The following PPP2R1B variants were observed in gnomAD, a reference collection of about 807,000 sequenced individuals.
PPP2R1B encodes the protein serine/threonine-protein phosphatase 2A 65 kDa regulatory subunit A beta isoform.
PPP2R1B carries 58 observed loss-of-function variants against 72.7 expected under a neutral mutation model. That is an observed-to-expected ratio of 0.80 (90% CI 0.65 to 0.99). The LOEUF is 0.99. PPP2R1B is among the 50% of genes least tolerant of loss of function. PPP2R1B has a pLI of 0.00. For missense variants in PPP2R1B, 695 were observed against 733.6 expected (o/e 0.95, Z 0.61); for synonymous variants, 256 against 264.6 (o/e 0.97, Z 0.32).
chr11:111,748,053 A>C, intron 10 of PPP2R1B, 39 bp from the exon 11 acceptor site: 2 of 1,573,902 alleles, frequency 1.3e-6, no homozygotes, highest in Non-Finnish European at 1.7e-6. Context: ...ACATTGCCAA[A>C]ATTCAGAAAT....
At chr11:111,722,637 C>A (rs138243363), downstream of PPP2R1B, 938 of 1,604,366 alleles carry the variant, frequency 5.8e-4, 2 homozygotes, top group Non-Finnish European at 7.0e-4. The surrounding 1 kb of genome is among the most constrained non-coding windows in gnomAD (Gnocchi z 4.4). Context: ...CACATTGTCA[C>A]GCTCATGTTG....
At chr11:111,700,106 G>A in the PPP2R1B span, among the ~76,000 whole-genome samples, 1 of 152,200 alleles carries the variant, frequency 6.6e-6, no homozygotes, top group Non-Finnish European at 1.5e-5. Context: ...ACTTGCATTT[G>A]TAACAATACT....
intron 1 of PPP2R1B, 67 bp downstream of exon 1, chr11:111,766,181 G>T: frequency 1.3e-6 from 2 of 1,521,290 alleles, no homozygotes; most frequent in Non-Finnish European, 1.8e-6. Context: ...CCGCGACGCA[G>T]GCCTTCCCCC....
At chr11:111,743,602 G>A (rs1944602549) in intron 11 of PPP2R1B, 72 bp from the exon 12 acceptor site, 2 of 1,526,108 alleles carry the variant, frequency 1.3e-6, no homozygotes, top group South Asian at 2.5e-5. Flanking sequence ...TTACTTACAT[G>A]AAAATCAAAT....
the PPP2R1B span, among the ~76,000 whole-genome samples, chr11:111,702,572 T>A: frequency 6.6e-6 from 1 of 152,160 alleles, no homozygotes; most frequent in Non-Finnish European, 1.5e-5. Context: ...CTGTCTCCAA[T>A]AATAATATAA....
chr11:111,717,141 C>G, the PPP2R1B span, among the ~76,000 whole-genome samples: 2 of 151,666 alleles, frequency 1.3e-5, no homozygotes, highest in Non-Finnish European at 2.9e-5. Flanking sequence ...GGTGAAACCC[C>G]ATCTCTACTA....
At chr11:111,722,551 G>A (rs1244791821), downstream of PPP2R1B, 8 of 1,004,428 alleles carry the variant, frequency 8.0e-6, no homozygotes, top group African/African-American at 4.8e-5. This position sits in a 1 kb window ranked among gnomAD's most constrained non-coding sequence, Gnocchi z 4.4. Context: ...CCTTCACCCC[G>A]TGTGGATTCT....
intron 15 of PPP2R1B, among the ~76,000 whole-genome samples, chr11:111,732,322 T>TG (rs1286593153): frequency 4.0e-4 from 61 of 152,302 alleles, no homozygotes; most frequent in African/African-American, 1.4e-3. Context: ...GGACAGGAGT[T>TG]GGTTCCTGGG....
Position 111,739,883 on chromosome 11 carries a change from T to C in PPP2R1B, c.*1713A>G, listed in dbSNP as rs1387937594. 2.0e-6 allele frequency: 2 copies of C among 980,676 alleles called. No individual in the cohort carries two copies. The highest frequency in any genetic ancestry group is 2.3e-4 in the East Asian group (2 of 8,804). 60.7% of individuals were successfully genotyped at this position (980,676 alleles called of 1,614,324 possible). On this transcript the variant is annotated 3_prime_UTR_variant, in exon 15 of 15. Coordinates refer to ENST00000527614, the MANE Select transcript of PPP2R1B (RefSeq NM_002716.5). ...TAATTCTTGGCCCAAAGTCATAAAATAGAAACTTACTATAAGGTAATTTGG... is the reference window on the plus strand; with the variant it reads ...TAATTCTTGGCCCAAAGTCATAAAACAGAAACTTACTATAAGGTAATTTGG...
downstream of PPP2R1B, chr11:111,724,380 G>T: frequency 1.9e-6 from 1 of 531,504 alleles, no homozygotes; most frequent in Non-Finnish European, 3.3e-6. Context: ...TCGGTCGAGT[G>T]GAGCAAGCTC....
At chr11:111,701,478 T>C in the PPP2R1B span, 1 of 1,613,944 alleles carries the variant, frequency 6.2e-7, no homozygotes, top group Admixed American at 1.7e-5. This position sits in a 1 kb window ranked among gnomAD's most constrained non-coding sequence, Gnocchi z 4.2. Context: ...TTTATGTCCT[T>C]GTCTGTGGAG....
chr11:111,714,462 T>C, the PPP2R1B span, among the ~76,000 whole-genome samples: 1 of 152,154 alleles, frequency 6.6e-6, no homozygotes, highest in African/African-American at 2.4e-5. Flanking sequence ...AGCCTGCATA[T>C]CACTGTGTGT....
At chr11:111,720,440 A>G in the PPP2R1B span, 1 of 1,550,752 alleles carries the variant, frequency 6.4e-7, no homozygotes, top group Non-Finnish European at 8.7e-7. Context: ...AGGAGATGCT[A>G]TTGCTGTTGG....
chr11:111,765,653 A>G, intron 1 of PPP2R1B: 1 of 516,968 alleles, frequency 1.9e-6, no homozygotes, highest in Non-Finnish European at 3.6e-6. Context: ...CTAGGAAGTA[A>G]GATAATTTTA....
At chr11:111,725,402 T>C (rs1057498870), downstream of PPP2R1B, 1 of 152,596 alleles carries the variant, frequency 6.6e-6, no homozygotes, top group Admixed American at 6.5e-5. Flanking sequence ...CTGCCAAACA[T>C]TATATTACTA....
At chr11:111,764,521 G>A (rs1294341482) in intron 3 of PPP2R1B, among the ~76,000 whole-genome samples, 4 of 152,014 alleles carry the variant, frequency 2.6e-5, no homozygotes, top group East Asian at 3.8e-4. Flanking sequence ...CCACCATCGC[G>A]CGGGGGAACC....
At chr11:111,759,342 T>C (rs1368328829) in intron 5 of PPP2R1B, among the ~76,000 whole-genome samples, 1 of 152,224 alleles carries the variant, frequency 6.6e-6, no homozygotes, top group African/African-American at 2.4e-5. Flanking sequence ...ACCAAAGAGA[T>C]CTAGATCTTC....
At position 111,742,316 on chromosome 11, in the gene PPP2R1B, T is replaced by A; in HGVS notation, c.1698-172A>T. ...AAAGAAATTCTCAGCAAAATCAGCT[T>A]CAGACAAGGATCTACACATTTACAG... is the stretch of plus-strand genomic sequence containing the variant. On this transcript the variant is annotated intron_variant, in intron 13 of 14. Coordinates refer to ENST00000527614, the MANE Select transcript of PPP2R1B (RefSeq NM_002716.5). 12 of 614,552 alleles carry A rather than the reference T, an allele frequency of 2.0e-5. No individual in the cohort carries two copies. The South Asian group carries it at 2.2e-4, about 11-fold the overall frequency. 38.1% of individuals were successfully genotyped at this position (614,552 alleles called of 1,614,324 possible). A position where few individuals can be genotyped will look rare whatever the true frequency, so the allele number is the denominator to read the frequency against.
In PPP2R1B at chr11:111,742,134, C is replaced by T. The variant is rs777621762; in HGVS notation, c.1708G>A (p.Gly570Arg). 6.2e-7 allele frequency: 1 copy of T among 1,612,118 alleles called. No individual in the cohort carries two copies. Among genetic ancestry groups the T allele is most frequent in the East Asian group, 2.2e-5 (1 of 44,858 alleles). ...GPILDTNALQGEVKPVLQKLG... is the reference protein window; with the variant it reads ...GPILDTNALQREVKPVLQKLG... ...TTCTGTAGTACTGGCTTCACTTCTC[C>T]CTGTAAAGCACTGACATTCAAAAGT... Residue 570 changes from glycine (G) to arginine (R), a missense_variant, in exon 14 of 15, where the codon GGA (glycine) becomes AGA (arginine). Gly to Arg is a moderately radical substitution (Grantham distance 125, BLOSUM62 -2). Transcript: ENST00000527614.
Sources: allele counts gnomAD v4.1 joint callset (sites outside exome capture counted in the v4.1 genomes callset), GRCh38; gene constraint gnomAD v4.1.1; non-coding constraint Gnocchi (gnomAD v3.1); transcripts MANE v1.5; gene names NCBI Gene and HGNC (gene_info 2026-07-23, HGNC 2026-07-21).